Variants in OR7C1 observed in about 807,000 individuals in gnomAD.
OR7C1 encodes olfactory receptor 7C1.
For synonymous variants in OR7C1, 152 were observed against 160.7 expected (o/e 0.95, Z 0.41); for missense variants, 324 against 383.3 (o/e 0.85, Z 1.29).
At chr19:14,827,655 T>C in intron 1 of OR7C1, 1 of 1,614,126 alleles carries the variant, frequency 6.2e-7, no homozygotes, top group Non-Finnish European at 8.5e-7. Flanking sequence ...TATCACCATG[T>C]GATTAAGAAA....
At chr19:14,823,769 G>A (rs925876219) in intron 1 of OR7C1, among the ~76,000 whole-genome samples, 2 of 152,100 alleles carry the variant, frequency 1.3e-5, no homozygotes, top group Non-Finnish European at 2.9e-5. Flanking sequence ...AGTTTCATCC[G>A]TGTTTGAGTC....
In OR7C1 at chr19:14,830,572, G is replaced by T. The variant is rs138678219; in HGVS notation, c.-623+4502C>A. On this transcript the variant is annotated intron_variant, in intron 1 of 4. Transcript: ENST00000641666. ...TCGATGCCTGGCAAAATAAATAAAA[G>T]ATCAAAAATAAAGAATTCTGACATC... Among the ~76,000 whole-genome samples the T allele has an allele frequency of 4.9e-3, 740 of 152,192 alleles. 2 individuals are homozygous for T. The highest frequency in any genetic ancestry group is 7.4e-3 in the Non-Finnish European group (500 of 67,994).
At chr19:14,815,575 C>T (rs566999074) in intron 1 of OR7C1, among the ~76,000 whole-genome samples, 4 of 152,192 alleles carry the variant, frequency 2.6e-5, no homozygotes, top group African/African-American at 9.7e-5. Flanking sequence ...TAACCCTTTA[C>T]AAGAAATAAA....
chr19:14,813,072 CA>C (rs61686100), intron 1 of OR7C1, among the ~76,000 whole-genome samples: 6,718 of 87,578 alleles, frequency 0.077, 238 homozygotes, highest in African/African-American at 0.16. Flanking sequence ...GATTCCATCT[CA>C]AAAAAAAAAA....
intron 1 of OR7C1, 110 bp from the exon 2 acceptor site, chr19:14,810,103 T>C (rs1424089375): frequency 6.6e-6 from 1 of 151,942 alleles, no homozygotes; most frequent in Non-Finnish European, 1.5e-5. Context: ...GTTCAGCTCC[T>C]TGGAGGCCAA....
Position 14,814,829 on chromosome 19 carries a change from AC to A in OR7C1, c.-622-4837del, listed in dbSNP as rs199886928. Among the ~76,000 whole-genome samples, 488 of 152,138 alleles carry A rather than the reference AC, an allele frequency of 3.2e-3. 6 individuals carry two copies. Among genetic ancestry groups the A allele is most frequent in the African/African-American group, 0.011 (458 of 41,488 alleles). On this transcript the variant is annotated intron_variant, in intron 1 of 4. Coordinates refer to ENST00000641666, the Ensembl canonical transcript of OR7C1. ...CATGACGGGACGAGAGGTCAAACAC[AC>A]CTCGTTATACCCCTTCCTTTTCATG...
chr19:14,802,982 A>T (rs2044648850), intron 2 of OR7C1, among the ~76,000 whole-genome samples: 1 of 152,078 alleles, frequency 6.6e-6, no homozygotes. Flanking sequence ...GACTGGCTTG[A>T]GGAGGCAGTG....
intron 1 of OR7C1, among the ~76,000 whole-genome samples, chr19:14,829,951 C>A (rs956230493): frequency 6.6e-6 from 1 of 152,208 alleles, no homozygotes; most frequent in East Asian, 1.9e-4. Context: ...CAGCTTCAAC[C>A]ACCCAGGCTC....
chr19:14,828,936 CGAATATAAACAAATTAAACA>C (rs2044803898), intron 1 of OR7C1, among the ~76,000 whole-genome samples: 1 of 77,424 alleles, frequency 1.3e-5, no homozygotes, highest in Admixed American at 1.5e-4. Context: ...ATTAAACAAT[CGAATATAAACAAATTAAACA>C]ATCACATAAT....
At chr19:14,818,062 T>TTTTTTTTATTTA (rs1555695181) in intron 1 of OR7C1, among the ~76,000 whole-genome samples, 9 of 139,460 alleles carry the variant, frequency 6.5e-5, no homozygotes, top group African/African-American at 1.1e-4. Context: ...ATTTTATTTA[T>TTTTTTTTATTTA]TTTATTTATT....
chr19:14,829,986 C>A (rs2044815214), intron 1 of OR7C1, among the ~76,000 whole-genome samples: 1 of 152,188 alleles, frequency 6.6e-6, no homozygotes, highest in Non-Finnish European at 1.5e-5. Flanking sequence ...CCTCAGCCTC[C>A]CAAGTAGTTG....
intron 1 of OR7C1, chr19:14,826,061 G>T (rs1424974043): frequency 1.3e-5 from 2 of 152,142 alleles, no homozygotes; most frequent in African/African-American, 4.8e-5. Flanking sequence ...CCCCATCTAG[G>T]TGATCTGGAG....
chr19:14,801,910 C>T (rs950094611), intron 2 of OR7C1, among the ~76,000 whole-genome samples: 1 of 152,190 alleles, frequency 6.6e-6, no homozygotes, highest in Non-Finnish European at 1.5e-5. Flanking sequence ...AGAAACTGCC[C>T]CTGTGATCCA....
chr19:14,827,516 T>C (rs1461125992), intron 1 of OR7C1: 2 of 1,614,154 alleles, frequency 1.2e-6, no homozygotes, highest in Admixed American at 3.3e-5. Flanking sequence ...AGAGGTGAGA[T>C]GCACAGGTGG....
chr19:14,799,525 G>A (rs760510816), exon 5 of OR7C1: 2 of 1,614,146 alleles, frequency 1.2e-6, no homozygotes, highest in Non-Finnish European at 8.5e-7. Context: ...CACCCAGGAC[G>A]CCAGTTGCAA....
At chr19:14,800,117 G>C (rs769950304) in exon 5 of OR7C1, 1 of 1,583,060 alleles carries the variant, frequency 6.3e-7, no homozygotes, top group Admixed American at 1.7e-5. Context: ...TTGGGCATGT[G>C]TTTGATTTCC....
chr19:14,814,327 A>G (rs1037583006), intron 1 of OR7C1, among the ~76,000 whole-genome samples: 1 of 148,104 alleles, frequency 6.8e-6, no homozygotes, highest in Non-Finnish European at 1.5e-5. Context: ...AAACAGCTCA[A>G]TAGCAATAAA....
chr19:14,799,811 C>A (rs1212143138), exon 5 of OR7C1: 3 of 1,613,376 alleles, frequency 1.9e-6, no homozygotes, highest in African/African-American at 2.7e-5. Flanking sequence ...ATTGTCCAGG[C>A]ATCCAAATGA....
exon 2 of OR7C1, chr19:14,809,863 C>T (rs2044682698): frequency 6.6e-6 from 1 of 152,094 alleles, no homozygotes. Flanking sequence ...TTGACCTTCC[C>T]TCCTTGCACA....
Sources: allele counts gnomAD v4.1 joint callset (sites outside exome capture counted in the v4.1 genomes callset), GRCh38; gene constraint gnomAD v4.1.1; transcripts MANE v1.5; gene names NCBI Gene and HGNC (gene_info 2026-07-23, HGNC 2026-07-21).